The following PRKN variants were observed in gnomAD, a reference collection of about 807,000 sequenced individuals.
PRKN encodes the protein parkin RBR E3 ubiquitin protein ligase.
PRKN carries 56 observed loss-of-function variants against 59.5 expected under a neutral mutation model. That is an observed-to-expected ratio of 0.94 (90% confidence interval 0.76 to 1.18). The LOEUF (loss-of-function observed/expected upper bound fraction) is 1.18, where lower values mean the gene tolerates loss of function less well. Ranked by LOEUF, PRKN falls within the 50% of genes most tolerant of loss-of-function variation. PRKN has a pLI of 0.00. For synonymous variants in PRKN, 250 were observed against 222.1 expected (o/e 1.13, Z -1.12); for missense variants, 657 against 596.4 (o/e 1.10, Z -1.06).
At chr6:161,873,113 C>T (rs201566679) in intron 6 of PRKN, among the ~76,000 whole-genome samples, 6 of 151,716 alleles carry the variant, frequency 4.0e-5, no homozygotes, top group Non-Finnish European at 8.8e-5. Context: ...AATAAAGGCC[C>T]GTTCTCAATG....
intron 1 of PRKN, among the ~76,000 whole-genome samples, chr6:162,456,598 C>T (rs909617531): frequency 5.9e-5 from 9 of 152,104 alleles, no homozygotes; most frequent in African/African-American, 2.2e-4. Context: ...TTTCTATAGG[C>T]TATAGTTGTA....
chr6:161,895,573 T>TGCCCCCC (rs1777589036), intron 6 of PRKN, among the ~76,000 whole-genome samples: 1 of 111,300 alleles, frequency 9.0e-6, no homozygotes, highest in East Asian at 3.6e-4. Flanking sequence ...CCTGCCGTTA[T>TGCCCCCC]ACACCCCAGT....
At chr6:162,230,985 T>C (rs967454023) in intron 3 of PRKN, among the ~76,000 whole-genome samples, 3 of 152,210 alleles carry the variant, frequency 2.0e-5, no homozygotes, top group African/African-American at 7.2e-5. Context: ...GTAAATTCAT[T>C]GGACTGATGG....
chr6:161,954,000 G>A (rs1030971451), intron 6 of PRKN, among the ~76,000 whole-genome samples: 8 of 152,202 alleles, frequency 5.3e-5, no homozygotes, highest in South Asian at 2.1e-4. Flanking sequence ...GGTGACTTAC[G>A]TGAGGACTGG....
intron 4 of PRKN, among the ~76,000 whole-genome samples, chr6:162,147,247 G>A (rs1240390481): frequency 6.6e-6 from 1 of 150,864 alleles, no homozygotes; most frequent in African/African-American, 2.4e-5. Flanking sequence ...GGAGGCTAAG[G>A]TGGGAGAATC....
chr6:161,812,407 C>A (rs1791602375), intron 6 of PRKN, among the ~76,000 whole-genome samples: 1 of 152,010 alleles, frequency 6.6e-6, no homozygotes. Flanking sequence ...GGAAAAAAAA[C>A]TTTGAAAGTC....
intron 1 of PRKN, among the ~76,000 whole-genome samples, chr6:162,644,537 C>G (rs887498843): frequency 3.9e-5 from 6 of 152,100 alleles, no homozygotes; most frequent in African/African-American, 1.4e-4. Flanking sequence ...AAAGCCTTAA[C>G]CTTCCATAAA....
intron 2 of PRKN, among the ~76,000 whole-genome samples, chr6:162,347,406 T>C (rs937058108): frequency 1.3e-5 from 2 of 151,876 alleles, no homozygotes; most frequent in African/African-American, 4.8e-5. Context: ...TCTTCTTTGA[T>C]CCATTAGTTA....
chr6:162,099,921 C>T (rs1779896181), intron 4 of PRKN, among the ~76,000 whole-genome samples: 1 of 152,232 alleles, frequency 6.6e-6, no homozygotes, highest in African/African-American at 2.4e-5. Flanking sequence ...CACCTCCCCG[C>T]CCACACACAG....
chr6:162,289,763 A>G (rs2128108866), intron 2 of PRKN, among the ~76,000 whole-genome samples: 1 of 152,200 alleles, frequency 6.6e-6, no homozygotes, highest in South Asian at 2.1e-4. Context: ...AGAGCATCCA[A>G]GGACTAGGTA....
chr6:161,521,484 T>C (rs531854439), intron 9 of PRKN, among the ~76,000 whole-genome samples: 30 of 152,292 alleles, frequency 2.0e-4, no homozygotes, highest in Admixed American at 9.8e-4. Flanking sequence ...CTTGCTTTCT[T>C]CTTAAGTATT....
chr6:162,591,904 A>C (rs1781324675), intron 1 of PRKN, among the ~76,000 whole-genome samples: 1 of 152,076 alleles, frequency 6.6e-6, no homozygotes, highest in Non-Finnish European at 1.5e-5. Context: ...AAAAAAAAAA[A>C]AGGCATGTTA....
In PRKN at chr6:161,498,478, A is replaced by G. The variant is rs550920045; in HGVS notation, c.1083+50376T>C. On this transcript the variant is annotated intron_variant, in intron 9 of 11. Coordinates refer to ENST00000366898, the MANE Select transcript of PRKN (RefSeq NM_004562.3). The surrounding 1 kb of genome is among the most constrained non-coding windows in gnomAD (Gnocchi z 4.2). Reference sequence around the variant, plus strand: ...AGGGTCTTCAGCTCCCTTCTCCCTGAGAGCTTGTGGGAAGGGTGTGCTGTC... The same window carrying G: ...AGGGTCTTCAGCTCCCTTCTCCCTGGGAGCTTGTGGGAAGGGTGTGCTGTC... Among the ~76,000 whole-genome samples, 18 of 152,214 alleles carry G rather than the reference A, an allele frequency of 1.2e-4. No homozygotes were observed. The highest frequency in any genetic ancestry group is 4.3e-4 in the African/African-American group (18 of 41,532).
In PRKN at chr6:162,569,706, C is replaced by A; in HGVS notation, c.8-126233G>T. On this transcript the variant is annotated intron_variant, in intron 1 of 11. Transcript: ENST00000366898. ...TGCGATGGGAAGCTGGTATCCGAGT[C>A]CTCTGATGTCCTTCCTAAGTGAACA... The A allele has an allele frequency of 5.1e-6, 3 of 585,544 alleles. No homozygotes were observed. In the Admixed American group the frequency reaches 6.8e-5, roughly 13 times the overall value. The allele number at this position is 585,544 out of a possible 1,614,324, so 36.3% of individuals were successfully genotyped here. A position where few individuals can be genotyped will look rare whatever the true frequency, so the allele number is the denominator to read the frequency against.
rs180759676 is a variant in PRKN, at chr6:161,564,403, C to T, written c.933+4952G>A. Among the ~76,000 whole-genome samples, 70 of 152,308 alleles carry T rather than the reference C, an allele frequency of 4.6e-4. 1 individual carries two copies. Among genetic ancestry groups the T allele is most frequent in the Admixed American group, 2.0e-3 (31 of 15,304 alleles). On this transcript the variant is annotated intron_variant, in intron 8 of 11. Transcript: ENST00000366898. ...TTTTTCCTACCACATATTCCAGCTG[C>T]CCCAAACCCTGAGACCCTTCCCCCA...
chr6:161,663,393 C>G (rs1319189320), intron 7 of PRKN, among the ~76,000 whole-genome samples: 1 of 151,988 alleles, frequency 6.6e-6, no homozygotes, highest in Non-Finnish European at 1.5e-5. Flanking sequence ...GTTCCTAACT[C>G]GTATCTGAAA....
At chr6:161,500,462 C>A (rs1777920093) in intron 9 of PRKN, among the ~76,000 whole-genome samples, 1 of 152,192 alleles carries the variant, frequency 6.6e-6, no homozygotes, top group South Asian at 2.1e-4. Flanking sequence ...ACATACTCAT[C>A]CTTTCCTCCC....
intron 6 of PRKN, among the ~76,000 whole-genome samples, chr6:161,944,255 T>C (rs1411784743): frequency 6.6e-6 from 1 of 152,194 alleles, no homozygotes; most frequent in African/African-American, 2.4e-5. Context: ...TTCAAGATAC[T>C]GTCCCTGAAA....
rs184060902 is a variant in PRKN, at chr6:162,613,459, G to A, written c.7+114203C>T. Among the ~76,000 whole-genome samples, 19 of 152,296 alleles carry A rather than the reference G, an allele frequency of 1.2e-4. No homozygotes were observed. The East Asian group carries it at 3.7e-3, about 29-fold the overall frequency. On this transcript the variant is annotated intron_variant, in intron 1 of 11. Transcript: ENST00000366898. ...GTAATAATTCTAGAAAAATGCCTCT[G>A]TTGTGTTTCAAACTCACTACGTCAC...
Sources: allele counts gnomAD v4.1 joint callset (sites outside exome capture counted in the v4.1 genomes callset), GRCh38; gene constraint gnomAD v4.1.1; non-coding constraint Gnocchi (gnomAD v3.1); transcripts MANE v1.5; gene names NCBI Gene and HGNC (gene_info 2026-07-23, HGNC 2026-07-21).